The following MYO7A variants were observed in gnomAD, a reference collection of about 807,000 sequenced individuals.
The protein encoded by MYO7A is unconventional myosin-VIIa.
Under a neutral mutation model 263.8 loss-of-function variants are expected in MYO7A, and 210 were observed. That is an observed-to-expected ratio of 0.80 (90% CI 0.71 to 0.89). The LOEUF is 0.89. MYO7A is among the 40% of genes least tolerant of loss of function. The probability of loss-of-function intolerance (pLI) is 0.00; values close to 1 mark genes in which losing one functional copy is unlikely to be tolerated. For synonymous variants in MYO7A, 1,239 were observed against 1,197.3 expected, an observed-to-expected ratio of 1.03 and a Z score of -0.72; for missense variants, 2,820 against 2,968.3, an observed-to-expected ratio of 0.95 and a Z score of 1.16.
Position 77,183,141 on chromosome 11 carries a change from C to T in MYO7A, c.3359C>T (p.Ser1120Phe). 6.4e-7 allele frequency: 1 copy of T among 1,552,214 alleles called. No individual in the cohort carries two copies. Among genetic ancestry groups the T allele is most frequent in the African/African-American group, 1.4e-5 (1 of 73,202 alleles). The change falls in exon 26 of 49, where the codon TCC becomes TTC. Residue 1120 changes from serine to phenylalanine, a missense_variant. Coordinates refer to ENST00000409709, the MANE Select transcript of MYO7A (RefSeq NM_000260.4). ...GTGCATTTGACTCTGAAAAAGAAGT[C>T]CAAGCTCACAGAGGAGGTGAGGGCA... ...KLVHLTLKKK[S>F]KLTEEVTKRL... is the part of the protein sequence containing the mutation.
chr11:77,180,032 C>T, intron 21 of MYO7A, 79 bp downstream of exon 21: 1 of 1,408,538 alleles, frequency 7.1e-7, no homozygotes, highest in Non-Finnish European at 9.5e-7. Flanking sequence ...AGGTGTTGGC[C>T]AGGAAGTGGG....
At chr11:77,170,148 G>A (rs1953950193) in intron 15 of MYO7A, among the ~76,000 whole-genome samples, 2 of 152,276 alleles carry the variant, frequency 1.3e-5, no homozygotes, top group South Asian at 4.2e-4. Context: ...TGTAGTATGG[G>A]GAAAGATTAA....
rs898364810 is a variant in MYO7A at position 77,179,830 on chromosome 11, G to C, written c.2463G>C (p.Gln821His). 1.9e-6 allele frequency: 3 copies of C among 1,544,690 alleles called. No individual in the cohort carries two copies. The highest frequency in any genetic ancestry group is 1.7e-6 in the Non-Finnish European group (2 of 1,147,430). Residue 821 changes from glutamine (Q) to histidine (H), a missense_variant, in exon 21 of 49, where the codon CAG becomes CAC. Physicochemically the swap from Gln to His is conservative, Grantham distance 24. Transcript: ENST00000409709. ...CCCGCCAGCGCATCATCCAGTTCCA[G>C]GCCCGCTGCCGCGCCTATCTGGTGC... is the stretch of plus-strand genomic sequence containing the variant. Reference protein sequence around the residue: ...RLARQRIIQFQARCRAYLVRK... With the variant: ...RLARQRIIQFHARCRAYLVRK...
intron 4 of MYO7A, among the ~76,000 whole-genome samples, chr11:77,155,111 G>A (rs1555060392): frequency 6.6e-6 from 1 of 152,192 alleles, no homozygotes; most frequent in East Asian, 1.9e-4. Flanking sequence ...GGGGTGGGAG[G>A]AGGGAGAAGT....
rs948962 is a variant in MYO7A at position 77,208,433 on chromosome 11, C to A, written c.5860C>A (p.Leu1954Ile). 756,886 of 1,602,936 alleles carry A rather than the reference C, an allele frequency of 0.47. 184,200 individuals carry two copies. Among genetic ancestry groups the A allele is most frequent in the African/African-American group, 0.7 (52,286 of 74,712 alleles). ...SLFVKIADKV[L>I]SVPENDFFFD... ...GCTTCGATGGCCCTGACCCCAGGTC[C>A]TCAGCGTTCCTGAGAATGACTTCTT... Residue 1954 changes from leucine (L) to isoleucine (I), a missense_variant, in exon 43 of 49, where the codon CTC (leucine) becomes ATC (isoleucine). Coordinates refer to ENST00000409709, the MANE Select transcript of MYO7A (RefSeq NM_000260.4).
chr11:77,165,937 T>C (rs1953500560), intron 14 of MYO7A, 119 bp from the exon 15 acceptor site: 1 of 703,356 alleles, frequency 1.4e-6, no homozygotes, highest in Non-Finnish European at 2.5e-6. Context: ...AGGGCCCCCG[T>C]CATGAAATGG....
intron 26 of MYO7A, among the ~76,000 whole-genome samples, chr11:77,183,651 A>G (rs1955436722): frequency 6.6e-6 from 1 of 152,140 alleles, no homozygotes; most frequent in Non-Finnish European, 1.5e-5. Context: ...AGGGGAGGAT[A>G]CACTGGAGAG....
intron 2 of MYO7A, among the ~76,000 whole-genome samples, chr11:77,136,443 C>T (rs1348781558): frequency 6.6e-6 from 1 of 152,172 alleles, no homozygotes; most frequent in Non-Finnish European, 1.5e-5. Flanking sequence ...CCCCAGGGGA[C>T]CTCTCTTTAG....
intron 31 of MYO7A, among the ~76,000 whole-genome samples, chr11:77,192,587 G>A (rs1956173625): frequency 6.6e-6 from 1 of 152,118 alleles, no homozygotes; most frequent in South Asian, 2.1e-4. Context: ...ACCATTCTGA[G>A]TATATCTAGT....
In MYO7A at chr11:77,179,912, G is replaced by A. The variant is rs782375445; in HGVS notation, c.2545G>A (p.Gly849Ser). 1 of 1,535,502 alleles carries A rather than the reference G, an allele frequency of 6.5e-7. No homozygotes were observed. Among genetic ancestry groups the A allele is most frequent in the South Asian group, 1.2e-5 (1 of 83,874 alleles). Reference protein sequence around the residue: ...AVLTVQAYARGMIARRLHQRL... With the variant: ...AVLTVQAYARSMIARRLHQRL... ...GCTCACCGTGCAGGCCTATGCCCGGGGCATGATCGCCCGCAGGCTGCACCA... is the reference window on the plus strand; with the variant it reads ...GCTCACCGTGCAGGCCTATGCCCGGAGCATGATCGCCCGCAGGCTGCACCA... Residue 849 changes from glycine (G) to serine (S), a missense_variant, in exon 21 of 49, where the codon GGC becomes AGC. Transcript: ENST00000409709.
At chr11:77,142,118 GC>G (rs1376114937) in intron 2 of MYO7A, among the ~76,000 whole-genome samples, 2 of 152,212 alleles carry the variant, frequency 1.3e-5, no homozygotes, top group African/African-American at 4.8e-5. Flanking sequence ...TGCGAGTCAG[GC>G]CCTGGGCCAG....
chr11:77,200,977 C>T (rs771697722), intron 35 of MYO7A, among the ~76,000 whole-genome samples: 26 of 152,226 alleles, frequency 1.7e-4, no homozygotes, highest in Non-Finnish European at 2.8e-4. Context: ...TGTGACAGTG[C>T]AGTGAGCAGG....
intron 2 of MYO7A, among the ~76,000 whole-genome samples, chr11:77,131,241 TG>T (rs1258326201): frequency 6.6e-6 from 1 of 152,004 alleles, no homozygotes. Flanking sequence ...GCCAGGAATG[TG>T]GGCCCTGAGC....
intron 27 of MYO7A, among the ~76,000 whole-genome samples, chr11:77,186,821 T>A (rs1158542594): frequency 2.0e-5 from 3 of 152,226 alleles, no homozygotes; most frequent in Non-Finnish European, 4.4e-5. Context: ...CATTCACAAG[T>A]TGGTTAACTG....
intron 27 of MYO7A, among the ~76,000 whole-genome samples, chr11:77,187,455 C>A (rs528787137): frequency 8.5e-5 from 13 of 152,292 alleles, no homozygotes; most frequent in African/African-American, 1.9e-4. Context: ...GTAAGCGCCC[C>A]GTAGATGGTA....
In MYO7A at chr11:77,162,965, G is replaced by A; in HGVS notation, c.1667G>A (p.Gly556Asp). 1 of 1,613,794 alleles carries A rather than the reference G, an allele frequency of 6.2e-7. No individual in the cohort carries two copies. The highest frequency in any genetic ancestry group is 2.2e-5 in the East Asian group (1 of 44,882). Residue 556 changes from glycine to aspartate, a missense_variant, in exon 14 of 49, where the codon GGC becomes GAC. By Grantham distance (94) the Gly-to-Asp change is moderately conservative. Coordinates refer to ENST00000409709, the MANE Select transcript of MYO7A (RefSeq NM_000260.4). ...CAGTTTGGCATCAACCATTTTGCAG[G>A]CATCGTCTACTATGAGACCCAAGGT... ...ETQFGINHFA[G>D]IVYYETQGFL... is the part of the protein sequence containing the mutation.
At chr11:77,150,691 C>G (rs1445306240) in intron 4 of MYO7A, among the ~76,000 whole-genome samples, 2 of 152,144 alleles carry the variant, frequency 1.3e-5, no homozygotes, top group African/African-American at 4.8e-5. Flanking sequence ...GACCCCTGGC[C>G]GGGAAACCAC....
At position 77,213,963 on chromosome 11, in the gene MYO7A, T is replaced by C. The variant is rs1958015013; in HGVS notation, c.6542T>C (p.Leu2181Pro). ...AACTTGGTGCGCGGGAGCAAACTGC[T>C]CTGCGAGACGTCACTGGTGAGGGCG... ...IGNLVRGSKL[L>P]CETSLGYKMD... The change falls in exon 48 of 49, where the codon CTC becomes CCC. Residue 2181 changes from leucine to proline, a missense_variant. Physicochemically the swap from Leu to Pro is moderately conservative, Grantham distance 98 (BLOSUM62 -3). Transcript: ENST00000409709. The C allele has an allele frequency of 1.2e-6, 2 of 1,613,962 alleles. No homozygotes were observed. Among genetic ancestry groups the C allele is most frequent in the African/African-American group, 1.3e-5 (1 of 74,958 alleles).
rs782331455 is a variant in MYO7A at position 77,189,485 on chromosome 11, G to A, written c.3630+15G>A. 8 of 1,613,612 alleles carry A rather than the reference G, an allele frequency of 5.0e-6. No individual in the cohort carries two copies. Among genetic ancestry groups the A allele is most frequent in the Non-Finnish European group, 6.8e-6 (8 of 1,179,778 alleles). On this transcript the variant is annotated intron_variant, in intron 28 of 48. Coordinates refer to ENST00000409709, the MANE Select transcript of MYO7A (RefSeq NM_000260.4). ...AGTTTGTCAAGGTAGGAAGGTGCCT[G>A]GCCTCCTGGAGTGGGAAGGGGAGCT...
Sources: allele counts gnomAD v4.1 joint callset (sites outside exome capture counted in the v4.1 genomes callset), GRCh38; gene constraint gnomAD v4.1.1; transcripts MANE v1.5; gene names NCBI Gene and HGNC (gene_info 2026-07-23, HGNC 2026-07-21).